ZBTB7C: variants seen among roughly 807,000 people sequenced by gnomAD.
ZBTB7C encodes the protein zinc finger and BTB domain containing 7C.
A neutral mutation model predicts 25.7 loss-of-function variants in ZBTB7C; 8 were observed. That is an observed-to-expected ratio of 0.31 (90% CI 0.18 to 0.56). The LOEUF (loss-of-function observed/expected upper bound fraction) is 0.56, where lower values mean the gene tolerates loss of function less well. ZBTB7C is among the 20% of genes least tolerant of loss of function. The pLI, the probability that ZBTB7C is intolerant of heterozygous loss-of-function variation, is 0.91. For missense variants in ZBTB7C, 824 were observed against 855.2 expected (o/e 0.96, Z 0.46); for synonymous variants, 394 against 369.0 (o/e 1.07, Z -0.78).
chr18:48,380,222 G>A (rs1473368410), intron 1 of ZBTB7C, among the ~76,000 whole-genome samples: 1 of 152,228 alleles, frequency 6.6e-6, no homozygotes, highest in Admixed American at 6.5e-5. Flanking sequence ...TAAGCAGAAT[G>A]TATAAGACTA....
intron 3 of ZBTB7C, among the ~76,000 whole-genome samples, chr18:48,140,020 C>T (rs950538341): frequency 1.3e-5 from 2 of 152,236 alleles, no homozygotes; most frequent in Non-Finnish European, 2.9e-5. Context: ...CTTCACACGG[C>T]AAGCCTGCCC....
chr18:48,187,821 A>C (rs2042096845), intron 2 of ZBTB7C, among the ~76,000 whole-genome samples: 1 of 28,440 alleles, frequency 3.5e-5, no homozygotes. Context: ...ACCCCGTCTC[A>C]AAAAAAAAAA....
At chr18:48,283,089 C>T (rs1160779088) in intron 2 of ZBTB7C, among the ~76,000 whole-genome samples, 1 of 152,136 alleles carries the variant, frequency 6.6e-6, no homozygotes, top group African/African-American at 2.4e-5. Flanking sequence ...TTGGGGAATG[C>T]AAATTAGTAA....
Position 48,295,254 on chromosome 18 carries a change from T to TC in ZBTB7C, c.-79+42919dup, listed in dbSNP as rs1430004086. Among the ~76,000 whole-genome samples, 11 of 152,148 alleles carry TC rather than the reference T, an allele frequency of 7.2e-5. 1 individual carries two copies. The highest frequency in any genetic ancestry group is 1.6e-4 in the Non-Finnish European group (11 of 67,996). ...GCCTGGGAATATGCATTCTGATGAGTCCCCAGGTAAAGCTGCTGTGGCCCA... is the reference window on the plus strand; with the variant it reads ...GCCTGGGAATATGCATTCTGATGAGTCCCCCAGGTAAAGCTGCTGTGGCCCA... On this transcript the variant is annotated intron_variant, in intron 2 of 4. Transcript: ENST00000590800.
At chr18:48,078,756 T>C (rs980922705) in intron 3 of ZBTB7C, among the ~76,000 whole-genome samples, 1 of 152,200 alleles carries the variant, frequency 6.6e-6, no homozygotes, top group African/African-American at 2.4e-5. Context: ...AAGTTAATGA[T>C]GGACTTTGTC....
chr18:48,116,258 C>T (rs759013540), intron 3 of ZBTB7C, among the ~76,000 whole-genome samples: 2 of 152,088 alleles, frequency 1.3e-5, no homozygotes, highest in African/African-American at 2.4e-5. Flanking sequence ...CTGCCTCTCC[C>T]GCTGGTCTGC....
chr18:48,046,005 GC>G (rs1462001047), intron 3 of ZBTB7C, among the ~76,000 whole-genome samples: 1 of 152,230 alleles, frequency 6.6e-6, no homozygotes, highest in Non-Finnish European at 1.5e-5. Flanking sequence ...GGATCCTCCA[GC>G]CCCAGTCAGG....
intron 1 of ZBTB7C, among the ~76,000 whole-genome samples, chr18:48,392,963 A>T (rs1285101793): frequency 6.6e-6 from 1 of 152,124 alleles, no homozygotes; most frequent in Non-Finnish European, 1.5e-5. Flanking sequence ...AGCTCCAGGG[A>T]CAGTATTTGG....
intron 1 of ZBTB7C, among the ~76,000 whole-genome samples, chr18:48,380,815 T>C (rs1445893904): frequency 5.9e-5 from 9 of 152,226 alleles, no homozygotes; most frequent in Admixed American, 3.9e-4. Flanking sequence ...ACCATACTAA[T>C]ATAAGATATT....
intron 3 of ZBTB7C, among the ~76,000 whole-genome samples, chr18:48,132,740 T>C (rs959509781): frequency 5.3e-5 from 8 of 152,192 alleles, no homozygotes; most frequent in Admixed American, 1.3e-4. Context: ...ACCACTGTCA[T>C]CTCTCCAGTG....
intron 3 of ZBTB7C, among the ~76,000 whole-genome samples, chr18:48,128,860 T>TA (rs1378296598): frequency 5.7e-5 from 7 of 123,084 alleles, no homozygotes; most frequent in Non-Finnish European, 1.3e-4. Flanking sequence ...GCTATTGAAA[T>TA]AAATTTTTTT....
intron 2 of ZBTB7C, among the ~76,000 whole-genome samples, chr18:48,200,919 T>C (rs2042429668): frequency 6.6e-6 from 1 of 152,166 alleles, no homozygotes; most frequent in Admixed American, 6.5e-5. Flanking sequence ...GAAGCTGAGG[T>C]GTGTGGCTCA....
intron 3 of ZBTB7C, among the ~76,000 whole-genome samples, chr18:48,181,941 T>C (rs1359907028): frequency 6.6e-6 from 1 of 152,206 alleles, no homozygotes; most frequent in East Asian, 1.9e-4. Context: ...ATATTTGTCA[T>C]TAATTGAATT....
chr18:48,401,908 C>T (rs115284171), intron 1 of ZBTB7C, among the ~76,000 whole-genome samples: 3 of 152,084 alleles, frequency 2.0e-5, no homozygotes, highest in Non-Finnish European at 4.4e-5. Flanking sequence ...TCACAGTCAA[C>T]CGTCCCATCC....
chr18:48,405,329 TCGAC>T (rs998591631), intron 1 of ZBTB7C, among the ~76,000 whole-genome samples: 6 of 152,118 alleles, frequency 3.9e-5, no homozygotes, highest in African/African-American at 1.2e-4. Context: ...TCAAACCTCC[TCGAC>T]CAGCCCCACA....
chr18:48,309,981 G>A (rs1035704449), intron 2 of ZBTB7C, among the ~76,000 whole-genome samples: 22 of 152,166 alleles, frequency 1.4e-4, no homozygotes, highest in African/African-American at 5.3e-4. Context: ...TGTAATCCCA[G>A]CACTTTGGGA....
intron 1 of ZBTB7C, among the ~76,000 whole-genome samples, chr18:48,399,668 T>C (rs116849758): frequency 6.6e-6 from 1 of 152,102 alleles, no homozygotes. Context: ...TGTCTGGGAG[T>C]TGGGGTCGTC....
chr18:48,409,052 C>A (rs888661487), intron 1 of ZBTB7C, among the ~76,000 whole-genome samples, 174 bp downstream of exon 1: 8 of 151,446 alleles, frequency 5.3e-5, no homozygotes, highest in African/African-American at 1.9e-4. Flanking sequence ...CGCCCCAAGG[C>A]GCGCGGACCG....
intron 3 of ZBTB7C, among the ~76,000 whole-genome samples, chr18:48,125,129 T>C (rs1341127802): frequency 6.6e-6 from 1 of 152,222 alleles, no homozygotes; most frequent in African/African-American, 2.4e-5. Flanking sequence ...ATAATTTATC[T>C]TTTTGATCTT....
Sources: gnomAD v4.1 joint callset for allele counts (sites outside exome capture counted in the v4.1 genomes callset) on GRCh38, gnomAD v4.1.1 for gene constraint, MANE v1.5 for transcripts, NCBI Gene and HGNC (gene_info 2026-07-23, HGNC 2026-07-21) for gene names.